Variants in SLC24A3 observed in about 807,000 individuals in gnomAD.
SLC24A3 encodes sodium/potassium/calcium exchanger 3.
In SLC24A3, 28 loss-of-function variants were observed where a neutral mutation model predicts 75.8. That is an observed-to-expected ratio of 0.37 (90% confidence interval 0.27 to 0.51). The LOEUF is 0.51. Ranked by LOEUF, SLC24A3 falls within the 20% of genes least tolerant of loss-of-function variation. The probability of loss-of-function intolerance (pLI) is 0.94; values close to 1 mark genes in which losing one functional copy is unlikely to be tolerated. For missense variants in SLC24A3, 663 were observed against 847.8 expected, an observed-to-expected ratio of 0.78 and a Z score of 2.71; for synonymous variants, 372 against 334.1, an observed-to-expected ratio of 1.11 and a Z score of -1.24.
intron 2 of SLC24A3, among the ~76,000 whole-genome samples, chr20:19,320,677 A>G (rs1331479258): frequency 1.3e-5 from 2 of 152,096 alleles, no homozygotes; most frequent in African/African-American, 2.4e-5. Flanking sequence ...ACAGTTGCCA[A>G]AATCCGAGGG....
At chr20:19,321,591 T>C (rs554034651) in intron 2 of SLC24A3, among the ~76,000 whole-genome samples, 1 of 152,340 alleles carries the variant, frequency 6.6e-6, no homozygotes, top group Non-Finnish European at 1.5e-5. Context: ...ATACAAATCA[T>C]CTTAAGATTA....
intron 15 of SLC24A3, among the ~76,000 whole-genome samples, chr20:19,709,505 C>T (rs2032967557): frequency 6.6e-6 from 1 of 151,972 alleles, no homozygotes; most frequent in African/African-American, 2.4e-5. Context: ...ACCTATAGTC[C>T]CAGCTACTCG....
chr20:19,511,856 G>A (rs2029892001), intron 2 of SLC24A3, among the ~76,000 whole-genome samples: 2 of 152,080 alleles, frequency 1.3e-5, no homozygotes, highest in Non-Finnish European at 2.9e-5. Context: ...TTTGCTAGGT[G>A]AGTATTTAAC....
intron 1 of SLC24A3, among the ~76,000 whole-genome samples, chr20:19,248,388 T>C (rs1016701976): frequency 6.6e-6 from 1 of 152,250 alleles, no homozygotes; most frequent in African/African-American, 2.4e-5. Context: ...GATGGTTTTG[T>C]AAACTTTAAC....
Position 19,684,294 on chromosome 20 carries a change from C to T in SLC24A3, c.1020C>T (p.Pro340=), listed in dbSNP as rs747584905. 1.2e-6 allele frequency: 2 copies of T among 1,614,118 alleles called. No individual in the cohort carries two copies. Among genetic ancestry groups the T allele is most frequent in the Non-Finnish European group, 8.5e-7 (1 of 1,180,006 alleles). The part of the protein sequence containing the change: ...LRIMITSHFP[P]KTRLSMASRM... Reference sequence around the variant, plus strand: ...TCATGATAACCAGCCACTTTCCCCCCAAGACCCGGCTCTCCATGGCCAGTC... The same window carrying T: ...TCATGATAACCAGCCACTTTCCCCCTAAGACCCGGCTCTCCATGGCCAGTC... Residue 340 remains proline, a synonymous_variant, in exon 11 of 17, where the codon CCC becomes CCT. Transcript: ENST00000328041.
chr20:19,537,014 A>G (rs1470468605), intron 3 of SLC24A3, among the ~76,000 whole-genome samples: 5 of 152,220 alleles, frequency 3.3e-5, no homozygotes, highest in African/African-American at 9.6e-5. Flanking sequence ...ACAAAAGCCA[A>G]AATTGACAAA....
intron 2 of SLC24A3, among the ~76,000 whole-genome samples, chr20:19,391,674 C>T (rs888727841): frequency 6.6e-6 from 1 of 152,168 alleles, no homozygotes; most frequent in Non-Finnish European, 1.5e-5. Flanking sequence ...CAGAACACTG[C>T]ATTTTTAGCT....
Position 19,317,046 on chromosome 20 carries a change from C to G in SLC24A3, c.271+35959C>G, listed in dbSNP as rs147168635. Among the ~76,000 whole-genome samples the G allele has an allele frequency of 3.7e-4, 56 of 152,202 alleles. No individual in the cohort carries two copies. The East Asian group carries it at 0.01, about 28-fold the overall frequency. On this transcript the variant is annotated intron_variant, in intron 2 of 16. Coordinates refer to ENST00000328041, the MANE Select transcript of SLC24A3 (RefSeq NM_020689.4). ...TACAACCATCTGACCTTTGACAAACCTGACAAAAACAAGCAATGGGGAAAG... is the reference window on the plus strand; with the variant it reads ...TACAACCATCTGACCTTTGACAAACGTGACAAAAACAAGCAATGGGGAAAG...
chr20:19,539,885 G>A (rs2030465671), intron 3 of SLC24A3, among the ~76,000 whole-genome samples: 2 of 152,182 alleles, frequency 1.3e-5, no homozygotes, highest in Non-Finnish European at 2.9e-5. Context: ...ATGCCTGTGT[G>A]TTCAGCTTCT....
At chr20:19,283,646 C>T (rs771421303) in intron 2 of SLC24A3, among the ~76,000 whole-genome samples, 5 of 152,166 alleles carry the variant, frequency 3.3e-5, no homozygotes, top group Non-Finnish European at 5.9e-5. Context: ...TATCTCTACC[C>T]CGGGTCTTAG....
In SLC24A3 at chr20:19,404,516, G is replaced by T. The variant is rs113603571; in HGVS notation, c.272-110972G>T. Among the ~76,000 whole-genome samples, 823 of 152,310 alleles carry T rather than the reference G, an allele frequency of 5.4e-3. 1 individual carries two copies. The highest frequency in any genetic ancestry group is 6.7e-3 in the Non-Finnish European group (459 of 68,022). ...CAAGAAATCCCCTGGAGCCTAACGGGTCTAGTTTTACCCCAGTTTTTTGCC... is the reference window on the plus strand; with the variant it reads ...CAAGAAATCCCCTGGAGCCTAACGGTTCTAGTTTTACCCCAGTTTTTTGCC... On this transcript the variant is annotated intron_variant, in intron 2 of 16. Transcript: ENST00000328041.
chr20:19,290,863 T>C (rs1037002361), intron 2 of SLC24A3, among the ~76,000 whole-genome samples: 1 of 152,244 alleles, frequency 6.6e-6, no homozygotes, highest in Non-Finnish European at 1.5e-5. Context: ...GCAGGGTCTA[T>C]GTGTGTTCAG....
At position 19,325,300 on chromosome 20, in the gene SLC24A3, C is replaced by T. The variant is rs994701413; in HGVS notation, c.271+44213C>T. On this transcript the variant is annotated intron_variant, in intron 2 of 16. Transcript: ENST00000328041. Reference sequence around the variant, plus strand: ...ATAATAATAATATTAATAATAATTACCTGGGTATGGTGGTGCATCCCTGTA... The same window carrying T: ...ATAATAATAATATTAATAATAATTATCTGGGTATGGTGGTGCATCCCTGTA... 3.3e-5 allele frequency among the ~76,000 whole-genome samples: 5 copies of T among 151,536 alleles called. No individual in the cohort carries two copies. The South Asian group carries it at 1.0e-3, about 32-fold the overall frequency.
chr20:19,535,279 G>T (rs1241315178), intron 3 of SLC24A3, among the ~76,000 whole-genome samples: 1 of 152,182 alleles, frequency 6.6e-6, no homozygotes, highest in Non-Finnish European at 1.5e-5. Flanking sequence ...AATTTGGGCT[G>T]GACTCAACTG....
intron 2 of SLC24A3, among the ~76,000 whole-genome samples, chr20:19,477,294 A>C (rs1987977285): frequency 6.6e-6 from 1 of 152,182 alleles, no homozygotes; most frequent in Admixed American, 6.5e-5. Flanking sequence ...GTCAAGCCTG[A>C]GGAGGCCAAA....
intron 6 of SLC24A3, among the ~76,000 whole-genome samples, chr20:19,606,019 C>G (rs190803049): frequency 7.2e-5 from 11 of 152,282 alleles, no homozygotes; most frequent in Admixed American, 2.0e-4. Flanking sequence ...CTCATGATAT[C>G]CCCCAGCTGG....
chr20:19,476,863 A>G (rs759446192), intron 2 of SLC24A3, among the ~76,000 whole-genome samples: 2 of 152,066 alleles, frequency 1.3e-5, no homozygotes, highest in Non-Finnish European at 2.9e-5. Context: ...TTGCTCATTA[A>G]TCTTCTCTCC....
At chr20:19,342,395 G>T (rs764651500) in intron 2 of SLC24A3, among the ~76,000 whole-genome samples, 3 of 152,182 alleles carry the variant, frequency 2.0e-5, no homozygotes, top group African/African-American at 7.2e-5. Flanking sequence ...CAAAAATCAG[G>T]TCCTAGGCAT....
intron 7 of SLC24A3, among the ~76,000 whole-genome samples, chr20:19,662,607 G>A (rs1466942779): frequency 2.0e-5 from 3 of 152,202 alleles, no homozygotes; most frequent in Non-Finnish European, 2.9e-5. Flanking sequence ...CAGGAACTGC[G>A]GGTGCAACTT....
Sources: allele counts gnomAD v4.1 joint callset (sites outside exome capture counted in the v4.1 genomes callset), GRCh38; gene constraint gnomAD v4.1.1; transcripts MANE v1.5; gene names NCBI Gene and HGNC (gene_info 2026-07-23, HGNC 2026-07-21).